The following TNIP3 variants were observed in gnomAD, a reference collection of about 807,000 sequenced individuals.
The protein encoded by TNIP3 is TNFAIP3-interacting protein 3.
TNIP3 carries 34 observed loss-of-function variants against 54.1 expected under a neutral mutation model. That is an observed-to-expected ratio of 0.63 (90% CI 0.48 to 0.84). TNIP3 has a LOEUF of 0.84. Among genes scored for constraint, TNIP3 ranks in the 40% least tolerant of loss-of-function variants. The pLI is 0.00. For missense variants in TNIP3, 366 were observed against 387.6 expected (o/e 0.94, Z 0.47); for synonymous variants, 134 against 136.8 (o/e 0.98, Z 0.14).
At chr4:121,161,693 A>C (rs1187723585) in intron 1 of TNIP3, among the ~76,000 whole-genome samples, 1 of 152,340 alleles carries the variant, frequency 6.6e-6, no homozygotes, top group Admixed American at 6.5e-5. Flanking sequence ...GAGGAACGAC[A>C]AAATCATCGA....
chr4:121,169,471 T>A (rs1217649372), intron 3 of TNIP3, among the ~76,000 whole-genome samples: 4 of 152,208 alleles, frequency 2.6e-5, no homozygotes, highest in African/African-American at 9.6e-5. Context: ...AATTTTTTTC[T>A]TCTTTTTGTT....
intron 2 of TNIP3, among the ~76,000 whole-genome samples, chr4:121,200,887 A>G (rs546283562): frequency 1.3e-5 from 2 of 152,168 alleles, no homozygotes; most frequent in Non-Finnish European, 2.9e-5. Context: ...ATCACTTATC[A>G]TGGGTAGAAA....
intron 6 of TNIP3, among the ~76,000 whole-genome samples, chr4:121,147,890 G>A (rs143220478): frequency 3.2e-4 from 48 of 152,258 alleles, no homozygotes; most frequent in African/African-American, 1.1e-3. Context: ...CAATTTTATT[G>A]TTCTAAGTCG....
At chr4:121,142,652 C>T (rs371152966) in intron 8 of TNIP3, 74 bp downstream of exon 8, 5 of 1,363,364 alleles carry the variant, frequency 3.7e-6, no homozygotes, top group Non-Finnish European at 5.2e-6. Context: ...AGAGCTTGAA[C>T]ATGTCTTTAA....
upstream of TNIP3, among the ~76,000 whole-genome samples, chr4:121,167,553 G>C (rs932798962): frequency 2.6e-5 from 4 of 152,064 alleles, no homozygotes; most frequent in Non-Finnish European, 4.4e-5. Context: ...AGTAGGGTCC[G>C]TGTGGTATTT....
chr4:121,217,027 GA>G (rs531435644), upstream of TNIP3, among the ~76,000 whole-genome samples: 3 of 151,642 alleles, frequency 2.0e-5, no homozygotes, highest in African/African-American at 7.3e-5. Flanking sequence ...AAAAAAAAGA[GA>G]AAAAAAACTG....
chr4:121,221,714 G>A (rs1454364228), intron 1 of TNIP3, among the ~76,000 whole-genome samples: 3 of 152,062 alleles, frequency 2.0e-5, no homozygotes, highest in East Asian at 1.9e-4. Flanking sequence ...GCTGCACATC[G>A]TTTGGCTAAA....
intron 3 of TNIP3, among the ~76,000 whole-genome samples, chr4:121,170,525 T>C (rs978053699): frequency 6.6e-6 from 1 of 152,206 alleles, no homozygotes; most frequent in East Asian, 1.9e-4. Flanking sequence ...AATATTTTAC[T>C]TCATCCTATT....
chr4:121,182,679 C>T (rs2148827324), exon 3 of TNIP3: 1 of 1,534,040 alleles, frequency 6.5e-7, no homozygotes, highest in Non-Finnish European at 8.7e-7. Flanking sequence ...TTCTTACCTT[C>T]AGAGAACATA....
At chr4:121,140,012 A>AT (rs1387266832) in intron 9 of TNIP3, among the ~76,000 whole-genome samples, 3 of 152,174 alleles carry the variant, frequency 2.0e-5, no homozygotes, top group South Asian at 2.1e-4. Flanking sequence ...TTATGCTGAG[A>AT]TTTTTTTCAT....
intron 1 of TNIP3, among the ~76,000 whole-genome samples, chr4:121,226,109 G>A (rs1189512991): frequency 6.6e-6 from 1 of 151,548 alleles, no homozygotes; most frequent in Non-Finnish European, 1.5e-5. Flanking sequence ...AGCAGAAGGG[G>A]AGACAGAAAG....
chr4:121,225,296 G>A (rs751636203), intron 1 of TNIP3, among the ~76,000 whole-genome samples: 8 of 152,238 alleles, frequency 5.3e-5, no homozygotes, highest in Admixed American at 1.3e-4. Context: ...CTTTGCAACC[G>A]CTAGAATATT....
At chr4:121,182,495 C>T (rs544188629) in intron 3 of TNIP3, among the ~76,000 whole-genome samples, 2 of 152,160 alleles carry the variant, frequency 1.3e-5, no homozygotes, top group Non-Finnish European at 2.9e-5. Flanking sequence ...TGAAGAATTT[C>T]TTTAGTAACA....
In TNIP3 at chr4:121,160,680, A is replaced by G. The variant is rs185312132; in HGVS notation, c.147+456T>C. Among the ~76,000 whole-genome samples, 13 of 152,284 alleles carry G rather than the reference A, an allele frequency of 8.5e-5. No individual in the cohort carries two copies. The East Asian group carries it at 2.5e-3, about 29-fold the overall frequency. ...TTTATGATAATGCTTTTTAACTCCC[A>G]TGTGTTTGGATGCCCAGTTCATGAA... On this transcript the variant is annotated intron_variant, in intron 2 of 10. Transcript: ENST00000057513.
chr4:121,219,906 C>A (rs539356558), upstream of TNIP3, among the ~76,000 whole-genome samples: 26 of 152,238 alleles, frequency 1.7e-4, no homozygotes, highest in South Asian at 5.4e-3. Context: ...ATAATACCTT[C>A]CTGGAAACTG....
chr4:121,176,709 T>TG (rs1369674526), intron 3 of TNIP3, among the ~76,000 whole-genome samples: 125 of 78,574 alleles, frequency 1.6e-3, no homozygotes, highest in Non-Finnish European at 2.9e-3. Context: ...GAAAGCCAGA[T>TG]TTTTTTTTTT....
intron 2 of TNIP3, among the ~76,000 whole-genome samples, chr4:121,199,331 A>G (rs1725760375): frequency 6.6e-6 from 1 of 152,232 alleles, no homozygotes; most frequent in African/African-American, 2.4e-5. Context: ...AAGATATCCT[A>G]TAAAGCTAGT....
At chr4:121,211,312 A>AT (rs1297989549) in intron 2 of TNIP3, among the ~76,000 whole-genome samples, 10 of 152,246 alleles carry the variant, frequency 6.6e-5, no homozygotes, top group Admixed American at 2.6e-4. Context: ...AAAAAGAGGA[A>AT]TAAAAAGGTA....
Position 121,157,226 on chromosome 4 carries a change from C to T in TNIP3, c.231G>A (p.Thr77=), listed in dbSNP as rs757586748. ...LYERKVAELK[T]KLDAAERFLS... is the part of the protein sequence containing the mutation. Reference sequence around the variant, plus strand: ...GGAATCTTTCCGCGGCGTCCAGTTTCGTCTTCAGCTCTGCTACCTGAGGAG... The same window carrying T: ...GGAATCTTTCCGCGGCGTCCAGTTTTGTCTTCAGCTCTGCTACCTGAGGAG... Residue 77 remains threonine (T), a synonymous_variant, in exon 4 of 11, where the codon ACG becomes ACA. Transcript: ENST00000057513. 2 of 1,614,130 alleles carry T rather than the reference C, an allele frequency of 1.2e-6. No homozygotes were observed. The highest frequency in any genetic ancestry group is 1.7e-6 in the Non-Finnish European group (2 of 1,180,024).
Sources: gnomAD v4.1 joint callset for allele counts (sites outside exome capture counted in the v4.1 genomes callset) on GRCh38, gnomAD v4.1.1 for gene constraint, MANE v1.5 for transcripts, NCBI Gene and HGNC (gene_info 2026-07-23, HGNC 2026-07-21) for gene names.